Variants in GTPBP4 observed in about 807,000 individuals in gnomAD.
GTPBP4 encodes the protein GTP-binding protein 4.
Under a neutral mutation model 81.7 loss-of-function variants are expected in GTPBP4, and 15 were observed. The observed-to-expected ratio is 0.18, with a 90% CI of 0.12 to 0.28. GTPBP4 has a LOEUF of 0.28. Ranked by LOEUF, GTPBP4 falls within the 10% of genes least tolerant of loss-of-function variation. The pLI is 1.00. For synonymous variants in GTPBP4, 272 were observed against 274.6 expected (o/e 0.99, Z 0.09); for missense variants, 847 against 793.8 (o/e 1.07, Z -0.81).
chr10:1,007,928 C>T lies in GTPBP4; in HGVS notation c.1113+800C>T, dbSNP rs777781584. On this transcript the variant is annotated intron_variant, in intron 10 of 16. Coordinates refer to ENST00000360803, the MANE Select transcript of GTPBP4 (RefSeq NM_012341.3). ...TTATCTTTTTCTCGCTGATTTGTTA[C>T]TTTTGTATTACAAAGGTTGGATTCT... The T allele has an allele frequency of 9.7e-6, 5 of 517,774 alleles. No homozygotes were observed. In the Admixed American group the frequency reaches 9.7e-5, roughly 10 times the overall value. 32.1% of individuals were successfully genotyped at this position (517,774 alleles called of 1,614,324 possible).
intron 5 of GTPBP4, among the ~76,000 whole-genome samples, 187 bp downstream of exon 5, chr10:997,495 C>T (rs1325913825): frequency 6.6e-6 from 1 of 152,240 alleles, no homozygotes; most frequent in African/African-American, 2.4e-5. Context: ...AAACACTGCC[C>T]TGGTCTGCAG....
chr10:1,002,415 CT>C (rs755410047), intron 8 of GTPBP4, among the ~76,000 whole-genome samples: 10 of 152,176 alleles, frequency 6.6e-5, no homozygotes, highest in Non-Finnish European at 1.3e-4. Context: ...TTCCTACTTG[CT>C]TTTAGTTTCC....
At chr10:1,007,552 T>C (rs1402282375) in intron 10 of GTPBP4, among the ~76,000 whole-genome samples, 2 of 152,178 alleles carry the variant, frequency 1.3e-5, no homozygotes, top group African/African-American at 4.8e-5. Flanking sequence ...CTGGGCAACA[T>C]AGTGGGACCC....
At chr10:998,304 T>A (rs1446559560) in intron 5 of GTPBP4, among the ~76,000 whole-genome samples, 1 of 152,092 alleles carries the variant, frequency 6.6e-6, no homozygotes, top group Non-Finnish European at 1.5e-5. Context: ...CTCACTGTGT[T>A]CCCCAGGCTG....
At position 1,004,754 on chromosome 10, in the gene GTPBP4, G is replaced by T. The variant is rs1402205042; in HGVS notation, c.913-1064G>T. Reference sequence around the variant, plus strand: ...CTCCACCAAGCCCTGCTGGGAAGGGGTAGCAGCTGCTCACAGCTGGCTTGG... The same window carrying T: ...CTCCACCAAGCCCTGCTGGGAAGGGTTAGCAGCTGCTCACAGCTGGCTTGG... On this transcript the variant is annotated intron_variant, in intron 8 of 16. Transcript: ENST00000360803. Among the ~76,000 whole-genome samples the T allele has an allele frequency of 2.0e-5, 3 of 152,196 alleles. 1 individual carries two copies. Among genetic ancestry groups the T allele is most frequent in the South Asian group, 4.1e-4 (2 of 4,838 alleles).
In GTPBP4 at chr10:1,019,096, T is replaced by C. The variant is rs1832042623; in HGVS notation, c.*1869T>C. 4 of 162,902 alleles carry C rather than the reference T, an allele frequency of 2.5e-5. No homozygotes were observed. The highest frequency in any genetic ancestry group is 2.3e-4 in the Admixed American group (4 of 17,056). The allele number at this position is 162,902 out of a possible 1,614,324, so 10.1% of individuals were successfully genotyped here. A position where few individuals can be genotyped will look rare whatever the true frequency, so the allele number is the denominator to read the frequency against. On this transcript the variant is annotated 3_prime_UTR_variant, in exon 17 of 17. Transcript: ENST00000360803. ...TTGTGTTGCACTCTGAAATAAGTGATTTAAAAAGAAAAACATGATACAGAG... is the reference window on the plus strand; with the variant it reads ...TTGTGTTGCACTCTGAAATAAGTGACTTAAAAAGAAAAACATGATACAGAG...
chr10:991,566 G>A (rs1340979056), intron 1 of GTPBP4, among the ~76,000 whole-genome samples: 2 of 151,898 alleles, frequency 1.3e-5, no homozygotes, highest in Non-Finnish European at 2.9e-5. Context: ...ACAAATGGGA[G>A]GATTGTTTCT....
At chr10:1,009,624 C>A (rs142283631) in intron 12 of GTPBP4, 44 bp downstream of exon 12, 14 of 1,090,632 alleles carry the variant, frequency 1.3e-5, no homozygotes, top group South Asian at 2.5e-5. Context: ...GCCAATTGGA[C>A]GTGAAGTATT....
intron 12 of GTPBP4, 45 bp downstream of exon 12, chr10:1,009,625 G>C: frequency 9.2e-7 from 1 of 1,085,674 alleles, no homozygotes; most frequent in Non-Finnish European, 1.4e-6. Context: ...CCAATTGGAC[G>C]TGAAGTATTT....
intron 8 of GTPBP4, among the ~76,000 whole-genome samples, chr10:1,004,161 C>T (rs1219185076): frequency 6.6e-6 from 1 of 152,126 alleles, no homozygotes; most frequent in Non-Finnish European, 1.5e-5. Flanking sequence ...GGCTTAGTGT[C>T]AGCTCAAGGG....
At chr10:1,016,668 T>C (rs1019416391) in intron 16 of GTPBP4, among the ~76,000 whole-genome samples, 9 of 152,232 alleles carry the variant, frequency 5.9e-5, no homozygotes, top group African/African-American at 2.2e-4. Flanking sequence ...ACCTTCTAGG[T>C]CTAAAGTGTA....
Position 1,019,319 on chromosome 10 carries a change from A to T in GTPBP4, c.*2092A>T. The T allele has an allele frequency of 9.1e-6, 5 of 546,570 alleles. No homozygotes were observed. In the South Asian group the frequency reaches 1.0e-4, roughly 11 times the overall value. The allele number at this position is 546,570 out of a possible 1,614,324, so 33.9% of individuals were successfully genotyped here. On this transcript the variant is annotated 3_prime_UTR_variant, in exon 17 of 17. Coordinates refer to ENST00000360803, the MANE Select transcript of GTPBP4 (RefSeq NM_012341.3). ...AAATTTCCTCCCTGCAACCAGGCAG[A>T]TGAGAAATATGGAAATAAGGAAAAG...
At chr10:1,005,434 G>A (rs534419777) in intron 8 of GTPBP4, among the ~76,000 whole-genome samples, 12 of 152,206 alleles carry the variant, frequency 7.9e-5, no homozygotes, top group East Asian at 1.9e-4. Context: ...ATGAGCCACC[G>A]CGCCTGGCCC....
intron 10 of GTPBP4, 109 bp from the exon 11 acceptor site, chr10:1,008,849 G>T: frequency 1.2e-6 from 1 of 828,884 alleles, no homozygotes. Context: ...GTCTGGGTAT[G>T]GTTTTCTGTT....
intron 13 of GTPBP4, among the ~76,000 whole-genome samples, chr10:1,010,868 T>TCATTCTCCTGCATCC (rs1401894868): frequency 5.1e-5 from 7 of 137,726 alleles, no homozygotes; most frequent in African/African-American, 1.7e-4. Context: ...CTGGGCCCCT[T>TCATTCTCCTGCATCC]CATTCTCCTG....
In GTPBP4 at chr10:999,036, G is replaced by A. The variant is rs748376784; in HGVS notation, c.595G>A (p.Ala199Thr). 6.6e-5 allele frequency: 107 copies of A among 1,609,742 alleles called. No homozygotes were observed. Among genetic ancestry groups the A allele is most frequent in the Non-Finnish European group, 8.8e-5 (104 of 1,176,074 alleles). The change falls in exon 6 of 17, where the codon GCG becomes ACG. Residue 199 changes from alanine to threonine, a missense_variant. By Grantham distance (58) the Ala-to-Thr change is moderately conservative. Around this residue, in one of 3 missense-constraint regions of GTPBP4, gnomAD observed 600 missense variants for 557.1 expected, o/e 1.08. Transcript: ENST00000360803. ...AGCAGACGTGGATGTCCAGCCCTAT[G>A]CGTTCACAACCAAGTCTCTGTTTGT... ...TRADVDVQPY[A>T]FTTKSLFVGH...
intron 9 of GTPBP4, among the ~76,000 whole-genome samples, chr10:1,006,386 C>G (rs1221455275): frequency 6.6e-6 from 1 of 152,216 alleles, no homozygotes; most frequent in Non-Finnish European, 1.5e-5. Flanking sequence ...CGCCTGTAAT[C>G]CCAGCACTTT....
In GTPBP4 at chr10:1,000,730, C is replaced by T. The variant is rs945445599; in HGVS notation, c.708C>T (p.Ile236=). The stretch of plus-strand genomic sequence containing the variant: ...ACCCTCTGGAGGATAGGAACACCAT[C>T]GAGATGCAGGCCATCACTGCCCTGG... ...LDHPLEDRNT[I]EMQAITALAH... Residue 236 remains isoleucine (I), a synonymous_variant, in exon 7 of 17, where the codon ATC becomes ATT. Transcript: ENST00000360803. 2.5e-5 allele frequency: 40 copies of T among 1,582,964 alleles called. No homozygotes were observed. Among genetic ancestry groups the T allele is most frequent in the Admixed American group, 5.3e-5 (3 of 56,082 alleles).
chr10:1,019,621 T>A lies in GTPBP4; in HGVS notation c.*2394T>A. On this transcript the variant is annotated 3_prime_UTR_variant, in exon 17 of 17. Coordinates refer to ENST00000360803, the MANE Select transcript of GTPBP4 (RefSeq NM_012341.3). ...TCGGCAATGGTTCTTAGCCAGGGGG[T>A]GACTTTGACTTCACCCCTCGCCTCC... 6.2e-7 allele frequency: 1 copy of A among 1,613,492 alleles called. No homozygotes were observed. Among genetic ancestry groups the A allele is most frequent in the Non-Finnish European group, 8.5e-7 (1 of 1,179,856 alleles).
Sources: allele counts gnomAD v4.1 joint callset (sites outside exome capture counted in the v4.1 genomes callset), GRCh38; gene constraint gnomAD v4.1.1; regional missense constraint gnomAD v4.1.1; transcripts MANE v1.5; gene names NCBI Gene and HGNC (gene_info 2026-07-23, HGNC 2026-07-21).